HIVEP3: variants seen among roughly 807,000 people sequenced by gnomAD.
HIVEP3 encodes transcription factor HIVEP3.
A neutral mutation model predicts 152.8 loss-of-function variants in HIVEP3; 49 were observed. The observed-to-expected ratio is 0.32, with a 90% CI of 0.26 to 0.41. HIVEP3 has a LOEUF of 0.41. Among genes scored for constraint, HIVEP3 ranks in the 10% least tolerant of loss-of-function variants. The pLI, the probability that HIVEP3 is intolerant of heterozygous loss-of-function variation, is 1.00. For synonymous variants in HIVEP3, 1,269 were observed against 1,289.0 expected (o/e 0.98, Z 0.33); for missense variants, 2,790 against 3,103.3 (o/e 0.90, Z 2.40).
intron 5 of HIVEP3, among the ~76,000 whole-genome samples, chr1:41,547,367 G>A (rs1643828107): frequency 6.6e-6 from 1 of 152,236 alleles, no homozygotes; most frequent in African/African-American, 2.4e-5. Context: ...AAGGATAGCT[G>A]TTGACAAGCA....
chr1:41,609,972 C>G (rs1486770467), intron 3 of HIVEP3, among the ~76,000 whole-genome samples: 1 of 152,330 alleles, frequency 6.6e-6, no homozygotes, highest in African/African-American at 2.4e-5. Context: ...TATGAGTGAG[C>G]CTCATCCACT....
chr1:41,935,350 C>A (rs1169055877), intron 1 of HIVEP3, among the ~76,000 whole-genome samples: 5 of 152,120 alleles, frequency 3.3e-5, no homozygotes, highest in African/African-American at 1.2e-4. Flanking sequence ...TCAGACTATC[C>A]CAGATGATGT....
chr1:41,723,574 TG>T (rs1646709756), intron 1 of HIVEP3, among the ~76,000 whole-genome samples: 1 of 151,856 alleles, frequency 6.6e-6, no homozygotes, highest in East Asian at 1.9e-4. Context: ...CAGAATTGGC[TG>T]GTTTTGATAT....
In HIVEP3 at chr1:41,638,256, G is replaced by GAGAAAGAAAGAAAGAAAGAA. The variant is rs61470609; in HGVS notation, c.-720-9329_-720-9310dup. Among the ~76,000 whole-genome samples the GAGAAAGAAAGAAAGAAAGAA allele has an allele frequency of 3.3e-3, 394 of 120,804 alleles. 3 individuals carry two copies. Among genetic ancestry groups the GAGAAAGAAAGAAAGAAAGAA allele is most frequent in the African/African-American group, 6.9e-3 (197 of 28,690 alleles). The allele number at this position is 120,804 out of a possible 152,430, so 79.3% of individuals were successfully genotyped here. On this transcript the variant is annotated intron_variant, in intron 2 of 8. Transcript: ENST00000372583. ...AGAGACAGAGAAATAAAGAAAGAGA[G>GAGAAAGAAAGAAAGAAAGAA]AGAAAGAAAGAAAGAAAGAAAGAAA...
chr1:41,520,093 A>G (rs1343521025), intron 6 of HIVEP3, among the ~76,000 whole-genome samples: 1 of 152,218 alleles, frequency 6.6e-6, no homozygotes, highest in Non-Finnish European at 1.5e-5. Flanking sequence ...CAGGAAAACA[A>G]TTAGATGAGA....
chr1:42,025,217 C>A (rs1438274252), intron 1 of HIVEP3, among the ~76,000 whole-genome samples: 68 of 152,168 alleles, frequency 4.5e-4, no homozygotes, highest in Non-Finnish European at 8.8e-5. Flanking sequence ...TTTTGTCTCC[C>A]TGTGCAGCAT....
At chr1:41,756,774 A>G (rs1351511092) in intron 1 of HIVEP3, among the ~76,000 whole-genome samples, 4 of 152,346 alleles carry the variant, frequency 2.6e-5, no homozygotes, top group South Asian at 4.1e-4. Context: ...ATATGAATAT[A>G]TAGACTGCAA....
chr1:41,582,920 G>C lies in HIVEP3; in HGVS notation c.1878C>G (p.Ser626Arg). Residue 626 changes from serine to arginine, a missense_variant, in exon 4 of 9, where the codon AGC (serine) becomes AGG (arginine). By Grantham distance (110) the Ser-to-Arg change is moderately radical. Transcript: ENST00000372583. This position sits in a 1 kb window ranked among gnomAD's most constrained non-coding sequence, Gnocchi z 4.7. ...CCTTCTTGGTCTTTTTGGTAAGCTC[G>C]CTTTCCTTGGGTTCCACTTCGTCCG... ...KPSDEVEPKE[S>R]ELTKKTKKGL... 6.2e-7 allele frequency: 1 copy of C among 1,614,030 alleles called. No individual in the cohort carries two copies. The highest frequency in any genetic ancestry group is 8.5e-7 in the Non-Finnish European group (1 of 1,180,026).
chr1:41,696,086 G>A (rs142833946), intron 2 of HIVEP3, among the ~76,000 whole-genome samples: 2,212 of 152,300 alleles, frequency 0.015, 27 homozygotes, highest in Non-Finnish European at 0.018. Flanking sequence ...ACAAAATGGG[G>A]TATCAAATGG....
At chr1:41,525,951 C>T (rs937160953) in intron 5 of HIVEP3, among the ~76,000 whole-genome samples, 1 of 151,990 alleles carries the variant, frequency 6.6e-6, no homozygotes, top group Non-Finnish European at 1.5e-5. Context: ...GTGGAGGAGG[C>T]GTGGCTTCTC....
intron 3 of HIVEP3, among the ~76,000 whole-genome samples, chr1:41,607,686 G>A (rs905188997): frequency 6.6e-6 from 1 of 151,746 alleles, no homozygotes; most frequent in Non-Finnish European, 1.5e-5. Flanking sequence ...ATATATTTAT[G>A]AATGAGGGAT....
At chr1:41,886,093 T>C (rs1008159552) in intron 1 of HIVEP3, among the ~76,000 whole-genome samples, 1 of 152,202 alleles carries the variant, frequency 6.6e-6, no homozygotes, top group African/African-American at 2.4e-5. Flanking sequence ...ATATTTTAAC[T>C]GCAATTGATG....
intron 2 of HIVEP3, among the ~76,000 whole-genome samples, chr1:41,681,239 G>A (rs1646034210): frequency 6.6e-6 from 1 of 152,158 alleles, no homozygotes; most frequent in Non-Finnish European, 1.5e-5. Flanking sequence ...GACTACAGGT[G>A]TGCATCGCCA....
chr1:42,014,250 CA>C (rs1315837502), intron 1 of HIVEP3, among the ~76,000 whole-genome samples: 4 of 151,986 alleles, frequency 2.6e-5, no homozygotes, highest in African/African-American at 9.7e-5. Context: ...TGGCATGCCA[CA>C]AAATGAACAA....
chr1:41,795,332 CAG>C (rs1254922260), intron 1 of HIVEP3, among the ~76,000 whole-genome samples: 2 of 152,136 alleles, frequency 1.3e-5, no homozygotes, highest in African/African-American at 4.8e-5. Flanking sequence ...CGTGATTAAA[CAG>C]GGGCTGTGGG....
Position 41,829,068 on chromosome 1 carries a change from A to T in HIVEP3, c.-801+89345T>A, listed in dbSNP as rs112774383. Among the ~76,000 whole-genome samples the T allele has an allele frequency of 3.6e-4, 53 of 145,632 alleles. 1 individual carries two copies. Among genetic ancestry groups the T allele is most frequent in the African/African-American group, 1.3e-3 (52 of 39,604 alleles). ...CCAGGAGCCACCCCTCTCCCACCCCACCCCTATGACCCACTGGCTTGGCCT... is the reference window on the plus strand; with the variant it reads ...CCAGGAGCCACCCCTCTCCCACCCCTCCCCTATGACCCACTGGCTTGGCCT... On this transcript the variant is annotated intron_variant, in intron 1 of 8. Transcript: ENST00000372583.
At chr1:41,865,525 T>C (rs1325980617) in intron 1 of HIVEP3, 1 of 152,314 alleles carries the variant, frequency 6.6e-6, no homozygotes, top group Non-Finnish European at 1.5e-5. Context: ...GGTCCTGGCA[T>C]TATCGCTGTT....
At chr1:41,665,997 T>C (rs1570264169) in intron 2 of HIVEP3, among the ~76,000 whole-genome samples, 2 of 152,252 alleles carry the variant, frequency 1.3e-5, no homozygotes, top group South Asian at 4.1e-4. Flanking sequence ...CTGTGGGCCT[T>C]CTGGGTTATT....
At chr1:41,821,410 G>A (rs933492758) in intron 1 of HIVEP3, among the ~76,000 whole-genome samples, 4 of 152,168 alleles carry the variant, frequency 2.6e-5, no homozygotes, top group Non-Finnish European at 4.4e-5. Context: ...TCTTCCATGT[G>A]TCAAAGACCA....
Sources: gnomAD v4.1 joint callset for allele counts (sites outside exome capture counted in the v4.1 genomes callset) on GRCh38, gnomAD v4.1.1 for gene constraint, Gnocchi (gnomAD v3.1) non-coding constraint, MANE v1.5 for transcripts, NCBI Gene and HGNC (gene_info 2026-07-23, HGNC 2026-07-21) for gene names.